Variants in TPRG1 observed in about 807,000 individuals in gnomAD.
TPRG1 encodes the protein tumor protein p63 regulated 1.
A neutral mutation model predicts 29.3 loss-of-function variants in TPRG1; 29 were observed. The observed-to-expected ratio is 0.99, with a 90% CI of 0.74 to 1.35. TPRG1 has a LOEUF of 1.35. Ranked by LOEUF, TPRG1 falls within the 40% of genes most tolerant of loss-of-function variation. The pLI, the probability that TPRG1 is intolerant of heterozygous loss-of-function variation, is 0.00. For synonymous variants in TPRG1, 130 were observed against 116.8 expected, an observed-to-expected ratio of 1.11 and a Z score of -0.73; for missense variants, 327 against 335.0, an observed-to-expected ratio of 0.98 and a Z score of 0.19.
At chr3:189,026,025 A>G (rs1306280072) in intron 4 of TPRG1, among the ~76,000 whole-genome samples, 4 of 152,242 alleles carry the variant, frequency 2.6e-5, no homozygotes, top group Non-Finnish European at 5.9e-5. Flanking sequence ...GTCATTGAAC[A>G]CAAGGTTGAG....
intron 4 of TPRG1, among the ~76,000 whole-genome samples, chr3:189,299,451 C>T (rs987767963): frequency 2.0e-5 from 3 of 152,092 alleles, no homozygotes; most frequent in Admixed American, 1.3e-4. Flanking sequence ...TGTTACATAC[C>T]CCTCAAAATT....
intron 3 of TPRG1, among the ~76,000 whole-genome samples, chr3:189,137,289 C>T (rs1176889850): frequency 2.1e-5 from 3 of 142,234 alleles, no homozygotes; most frequent in Admixed American, 1.4e-4. Flanking sequence ...CTTCTGAAAA[C>T]CCCAAAATGT....
intron 4 of TPRG1, among the ~76,000 whole-genome samples, chr3:189,038,610 AAAATG>A (rs1322077232): frequency 6.6e-6 from 1 of 152,136 alleles, no homozygotes; most frequent in Non-Finnish European, 1.5e-5. Context: ...TAATGGGAAA[AAAATG>A]AATGGATCTG....
intron 3 of TPRG1, among the ~76,000 whole-genome samples, chr3:189,137,012 G>A (rs1054237577): frequency 6.6e-6 from 1 of 152,116 alleles, no homozygotes; most frequent in Non-Finnish European, 1.5e-5. Flanking sequence ...TGAAAGTCTG[G>A]AAAGACAGAG....
chr3:189,270,299 T>C (rs904524453), intron 4 of TPRG1, among the ~76,000 whole-genome samples: 26 of 152,296 alleles, frequency 1.7e-4, no homozygotes, highest in African/African-American at 5.3e-4. Flanking sequence ...ATCCCGGCAT[T>C]GAACTCCTCA....
chr3:189,219,543 A>T (rs1000706167), intron 3 of TPRG1: 32 of 1,193,632 alleles, frequency 2.7e-5, no homozygotes, highest in African/African-American at 2.6e-4. Flanking sequence ...AGATTATTTT[A>T]AAAAAACTAT....
At chr3:189,223,187 G>A (rs528032331) in intron 3 of TPRG1, among the ~76,000 whole-genome samples, 1 of 152,284 alleles carries the variant, frequency 6.6e-6, no homozygotes, top group South Asian at 2.1e-4. Flanking sequence ...CTCAGATTTG[G>A]TTCTGATCAA....
rs140216978 is a variant in TPRG1 at position 189,134,680 on chromosome 3, C to G, written c.-291+1983C>G. On this transcript the variant is annotated intron_variant, in intron 3 of 6. Transcript: ENST00000412373. ...AATCGTCTTTCCTCAGCCTCCCAAA[C>G]TGCTGGAATTATAGGCATGAGCCAC... 1.7e-3 allele frequency among the ~76,000 whole-genome samples: 257 copies of G among 152,196 alleles called. 1 individual carries two copies. The highest frequency in any genetic ancestry group is 6.0e-3 in the African/African-American group (248 of 41,542).
At chr3:189,280,889 C>T (rs1717017335) in intron 4 of TPRG1, among the ~76,000 whole-genome samples, 1 of 152,198 alleles carries the variant, frequency 6.6e-6, no homozygotes, top group South Asian at 2.1e-4. Flanking sequence ...CTTCCCCCAT[C>T]CTAAGCAGAA....
At chr3:189,309,289 C>T (rs1400529270) in intron 4 of TPRG1, among the ~76,000 whole-genome samples, 1 of 152,082 alleles carries the variant, frequency 6.6e-6, no homozygotes, top group Non-Finnish European at 1.5e-5. Flanking sequence ...ACCATCTCCA[C>T]ATGGATAAAC....
intron 1 of TPRG1, among the ~76,000 whole-genome samples, chr3:189,178,613 G>A (rs1729808312): frequency 6.6e-6 from 1 of 152,192 alleles, no homozygotes; most frequent in African/African-American, 2.4e-5. Context: ...ACCCTGTAAA[G>A]TAGTTCTGGT....
chr3:189,002,709 C>T (rs976532093), intron 2 of TPRG1, among the ~76,000 whole-genome samples: 1 of 152,138 alleles, frequency 6.6e-6, no homozygotes, highest in Non-Finnish European at 1.5e-5. Flanking sequence ...TTTATGTCTG[C>T]AGACATGACC....
intron 5 of TPRG1, among the ~76,000 whole-genome samples, chr3:189,318,936 A>G (rs1304233918): frequency 1.3e-5 from 2 of 152,182 alleles, no homozygotes; most frequent in African/African-American, 4.8e-5. Flanking sequence ...CATAACAGCA[A>G]TGTTATAAAG....
At chr3:189,310,310 A>G in intron 4 of TPRG1, 76 bp from the exon 5 acceptor site, 2 of 1,291,270 alleles carry the variant, frequency 1.5e-6, no homozygotes, top group Non-Finnish European at 1.0e-6. Context: ...ATGAAGGCTG[A>G]CTGATGTATT....
intron 4 of TPRG1, among the ~76,000 whole-genome samples, chr3:189,040,820 C>T (rs710513): frequency 0.85 from 128,734 of 152,152 alleles, 56,441 homozygotes; most frequent in Non-Finnish European, 0.95. Flanking sequence ...GACTGAGCCA[C>T]GAGATGAGTC....
chr3:189,195,912 G>A (rs73889110), intron 1 of TPRG1, among the ~76,000 whole-genome samples: 17,847 of 152,094 alleles, frequency 0.12, 1,291 homozygotes, highest in African/African-American at 0.19. Context: ...ATGTACTTTG[G>A]TGCCCTTCCT....
intron 5 of TPRG1, among the ~76,000 whole-genome samples, chr3:189,162,020 T>C (rs957270487): frequency 6.6e-6 from 1 of 151,860 alleles, no homozygotes; most frequent in African/African-American, 2.4e-5. Context: ...TGAAATGGAG[T>C]TTCACTCTAT....
intron 3 of TPRG1, among the ~76,000 whole-genome samples, chr3:189,136,525 T>C (rs2108549703): frequency 6.6e-6 from 1 of 152,316 alleles, no homozygotes; most frequent in Middle Eastern, 3.4e-3. Flanking sequence ...AGCTTCTAGT[T>C]AATAGTTAGG....
At chr3:189,199,432 T>C (rs190041636) in intron 1 of TPRG1, among the ~76,000 whole-genome samples, 3 of 152,202 alleles carry the variant, frequency 2.0e-5, no homozygotes, top group Non-Finnish European at 4.4e-5. Flanking sequence ...TGAACATTTT[T>C]CCCTCAAATA....
Sources: allele counts gnomAD v4.1 joint callset (sites outside exome capture counted in the v4.1 genomes callset), GRCh38; gene constraint gnomAD v4.1.1; transcripts MANE v1.5; gene names NCBI Gene and HGNC (gene_info 2026-07-23, HGNC 2026-07-21).